COL5A3: variants seen among roughly 807,000 people sequenced by gnomAD.
The protein encoded by COL5A3 is collagen alpha-3(V) chain.
In COL5A3, 172 loss-of-function variants were observed where a neutral mutation model predicts 250.0. The observed-to-expected ratio is 0.69, with a 90% CI of 0.61 to 0.78. The LOEUF is 0.78. Among genes scored for constraint, COL5A3 ranks in the 30% least tolerant of loss-of-function variants. The pLI is 0.00. For missense variants in COL5A3, 2,340 were observed against 2,334.4 expected, an observed-to-expected ratio of 1.00 and a Z score of -0.05; for synonymous variants, 937 against 900.4, an observed-to-expected ratio of 1.04 and a Z score of -0.73.
intron 24 of COL5A3, among the ~76,000 whole-genome samples, chr19:9,991,248 C>A (rs2087184608): frequency 6.6e-6 from 1 of 151,882 alleles, no homozygotes; most frequent in Non-Finnish European, 1.5e-5. Flanking sequence ...TCCACACCCC[C>A]CAAAAAAAGA....
Position 10,005,886 on chromosome 19 carries a change from C to G in COL5A3, c.347G>C (p.Arg116Pro). Residue 116 changes from arginine to proline, a missense_variant, in exon 3 of 67, where the codon CGG becomes CCG. Coordinates refer to ENST00000264828, the MANE Select transcript of COL5A3 (RefSeq NM_015719.4). ...TGGCCCCAGTGCCAGGCCCAACTGC[C>G]GGGCACCCCTTTCATCATAAATGGA... Reference protein sequence around the residue: ...LLSIYDERGARQLGLALGPAL... With the variant: ...LLSIYDERGAPQLGLALGPAL... 6.2e-7 allele frequency: 1 copy of G among 1,613,940 alleles called. No homozygotes were observed. Among genetic ancestry groups the G allele is most frequent in the South Asian group, 1.1e-5 (1 of 91,082 alleles).
chr19:9,981,648 T>C (rs1258192342), intron 32 of COL5A3, among the ~76,000 whole-genome samples: 1 of 152,182 alleles, frequency 6.6e-6, no homozygotes. Flanking sequence ...ATACAATACA[T>C]GCATGTATAC....
intron 13 of COL5A3, 56 bp downstream of exon 13, chr19:9,996,377 C>A (rs369229005): frequency 8.6e-5 from 137 of 1,590,456 alleles, no homozygotes; most frequent in Non-Finnish European, 1.1e-4. Context: ...CCTCCTTACG[C>A]CGAGGCTCTA....
chr19:9,996,194 C>A lies in COL5A3; in HGVS notation c.1479+12G>T. ...GCATGCACCGCCCCCTCCACGCAGT[C>A]GCCTTACTCACCACAGGGCCTGGGC... On this transcript the variant is annotated intron_variant, in intron 14 of 66. Coordinates refer to ENST00000264828, the MANE Select transcript of COL5A3 (RefSeq NM_015719.4). 1.9e-6 allele frequency: 3 copies of A among 1,563,578 alleles called. No individual in the cohort carries two copies. Among genetic ancestry groups the A allele is most frequent in the East Asian group, 2.3e-5 (1 of 44,396 alleles).
Position 9,996,453 on chromosome 19 carries a change from C to T in COL5A3, c.1402G>A (p.Ala468Thr), listed in dbSNP as rs779327482. ...CTCACCTGAGTCTGCTGCAGAACTG[C>T]CTGAGCCTGGGCCTGCTGGAATGAG... ...PVSFQQAQAQ[A>T]VLQQTQLSMK... is the part of the protein sequence containing the mutation. Residue 468 changes from alanine to threonine, a missense_variant, in exon 13 of 67, where the codon GCA becomes ACA. Physicochemically the swap from Ala to Thr is moderately conservative, Grantham distance 58. This residue lies in a region of COL5A3 where 1,152 missense variants were observed against 1,146.3 expected (regional missense o/e 1.00). Transcript: ENST00000264828. 16 of 1,614,038 alleles carry T rather than the reference C, an allele frequency of 9.9e-6. No individual in the cohort carries two copies. The highest frequency in any genetic ancestry group is 1.4e-5 in the Non-Finnish European group (16 of 1,180,004).
intron 6 of COL5A3, among the ~76,000 whole-genome samples, chr19:10,003,182 A>C (rs1024449471): frequency 6.6e-6 from 1 of 152,140 alleles, no homozygotes; most frequent in Non-Finnish European, 1.5e-5. Flanking sequence ...TGACACACTA[A>C]CTAATGAACA....
In COL5A3 at chr19:9,977,618, G is replaced by A. The variant is rs1394669966; in HGVS notation, c.3102C>T (p.Gly1034=). Residue 1034 remains glycine, a synonymous_variant, in exon 42 of 67, where the codon GGC becomes GGT. Transcript: ENST00000264828. ...CCCGGGACCCCTTCTTGCCTGCAGG[G>A]CCAACGGGGCCTTCGCTGCCACTTT... ...PGQSGSEGPV[G]PAGKKGSRGE... 4 of 1,602,714 alleles carry A rather than the reference G, an allele frequency of 2.5e-6. No homozygotes were observed. Among genetic ancestry groups the A allele is most frequent in the Non-Finnish European group, 3.4e-6 (4 of 1,174,286 alleles).
At chr19:10,002,021 T>C in intron 6 of COL5A3, 140 bp from the exon 7 acceptor site, 1 of 620,972 alleles carries the variant, frequency 1.6e-6, no homozygotes, top group Non-Finnish European at 2.9e-6. Context: ...CAGAGGCCAA[T>C]GGAGACAAAA....
intron 51 of COL5A3, among the ~76,000 whole-genome samples, chr19:9,972,359 A>G (rs1045156578): frequency 2.0e-5 from 3 of 152,064 alleles, no homozygotes; most frequent in African/African-American, 4.8e-5. Context: ...TTATTCATCC[A>G]TTTATTCATT....
At chr19:9,987,425 A>G (rs2087115548) in intron 27 of COL5A3, among the ~76,000 whole-genome samples, 1 of 152,176 alleles carries the variant, frequency 6.6e-6, no homozygotes, top group Admixed American at 6.5e-5. Flanking sequence ...AGACTCAACT[A>G]CAACATAGGG....
At chr19:9,995,991 C>A in intron 15 of COL5A3, 75 bp downstream of exon 15, 1 of 1,352,978 alleles carries the variant, frequency 7.4e-7, no homozygotes, top group South Asian at 1.7e-5. Context: ...GCACTTTCCC[C>A]ATCCAGCACT....
chr19:9,996,320 A>G, intron 13 of COL5A3, 58 bp from the exon 14 acceptor site: 1 of 1,549,760 alleles, frequency 6.5e-7, no homozygotes, highest in Non-Finnish European at 8.7e-7. Context: ...AACATTCCCC[A>G]CAGAGGCATC....
rs199813895 is a variant in COL5A3, at chr19:9,998,183, A to G, written c.1111-34T>C. On this transcript the variant is annotated intron_variant, in intron 8 of 66. Coordinates refer to ENST00000264828, the MANE Select transcript of COL5A3 (RefSeq NM_015719.4). Reference sequence around the variant, plus strand: ...GGGTCAGGGGAGATGGAGAGAAAAGAGATGTGAACTTGGACATAAGCCCTT... The same window carrying G: ...GGGTCAGGGGAGATGGAGAGAAAAGGGATGTGAACTTGGACATAAGCCCTT... The G allele has an allele frequency of 5.3e-5, 84 of 1,591,500 alleles. No individual in the cohort carries two copies. In the African/African-American group the frequency reaches 1.1e-3, roughly 20 times the overall value.
At position 9,960,396 on chromosome 19, in the gene COL5A3, C is replaced by A; in HGVS notation, c.*15G>T. ...TTCTGGGGCTCCCTCATGGTCCCTC[C>A]CACCCCGGACACTCTCAGCTGCTGA... On this transcript the variant is annotated 3_prime_UTR_variant, in exon 67 of 67. Coordinates refer to ENST00000264828, the MANE Select transcript of COL5A3 (RefSeq NM_015719.4). 6.2e-7 allele frequency: 1 copy of A among 1,614,086 alleles called. No individual in the cohort carries two copies. The highest frequency in any genetic ancestry group is 8.5e-7 in the Non-Finnish European group (1 of 1,180,024).
rs1415626845 is a variant in COL5A3, at chr19:9,973,626, G to T, written c.3613-3C>A. 6.2e-7 allele frequency: 1 copy of T among 1,612,492 alleles called. No individual in the cohort carries two copies. Among genetic ancestry groups the T allele is most frequent in the Admixed American group, 1.7e-5 (1 of 59,894 alleles). On this transcript the variant is annotated splice_polypyrimidine_tract_variant and splice_region_variant and intron_variant, in intron 49 of 66. Transcript: ENST00000264828. Reference sequence around the variant, plus strand: ...TCTCCAGCGTCCCCTCGCTCACCCTGCAGGAGGCAAAGTGAGAGTGGGGAG... The same window carrying T: ...TCTCCAGCGTCCCCTCGCTCACCCTTCAGGAGGCAAAGTGAGAGTGGGGAG...
chr19:10,001,678 C>T lies in COL5A3; in HGVS notation c.964-8G>A, dbSNP rs1311581508. ...GTCAGGGTCCAAGCTCCTCTGAGAA[C>T]GTTAGGAAAGACCAAAGTTTTCCCT... is the stretch of plus-strand genomic sequence containing the variant. On this transcript the variant is annotated splice_polypyrimidine_tract_variant and splice_region_variant and intron_variant, in intron 7 of 66. Coordinates refer to ENST00000264828, the MANE Select transcript of COL5A3 (RefSeq NM_015719.4). 5 of 1,613,668 alleles carry T rather than the reference C, an allele frequency of 3.1e-6. No individual in the cohort carries two copies. The highest frequency in any genetic ancestry group is 4.2e-6 in the Non-Finnish European group (5 of 1,179,882).
rs117791242 is a variant in COL5A3 at position 9,973,212 on chromosome 19, G to A, written c.3667-186C>T. Among the ~76,000 whole-genome samples the A allele has an allele frequency of 5.3e-3, 802 of 152,254 alleles. 20 individuals are homozygous for A. The East Asian group carries it at 0.076, about 15-fold the overall frequency. On this transcript the variant is annotated intron_variant, in intron 50 of 66. Coordinates refer to ENST00000264828, the MANE Select transcript of COL5A3 (RefSeq NM_015719.4). ...CTTAAGACAGTGAAAGGTCTGGATG[G>A]TCTAGGTGCCCATTGGTCATGTGCA...
chr19:10,000,687 G>A (rs894651924), intron 8 of COL5A3, among the ~76,000 whole-genome samples: 6 of 151,904 alleles, frequency 3.9e-5, no homozygotes, highest in Admixed American at 3.9e-4. Context: ...AAAGCCAAGC[G>A]CCTCTCTCTA....
At chr19:9,995,673 T>C (rs1166419488) in intron 15 of COL5A3, 56 bp from the exon 16 acceptor site, 2 of 1,359,828 alleles carry the variant, frequency 1.5e-6, no homozygotes, top group African/African-American at 2.9e-5. Flanking sequence ...GAGGGACTTA[T>C]TCTATTGTAT....
Sources: gnomAD v4.1 joint callset for allele counts (sites outside exome capture counted in the v4.1 genomes callset) on GRCh38, gnomAD v4.1.1 for gene constraint, gnomAD v4.1.1 regional missense constraint, MANE v1.5 for transcripts, NCBI Gene and HGNC (gene_info 2026-07-23, HGNC 2026-07-21) for gene names.